The following NFAT5 variants were observed in gnomAD, a reference collection of about 807,000 sequenced individuals.
NFAT5 encodes nuclear factor of activated T-cells 5.
A neutral mutation model predicts 166.5 loss-of-function variants in NFAT5; 31 were observed. That is an observed-to-expected ratio of 0.19 (90% confidence interval 0.14 to 0.25). The LOEUF is 0.25. NFAT5 is among the 10% of genes least tolerant of loss of function. The pLI is 1.00. For missense variants in NFAT5, 1,449 were observed against 1,821.8 expected, an observed-to-expected ratio of 0.80 and a Z score of 3.72; for synonymous variants, 612 against 639.7, an observed-to-expected ratio of 0.96 and a Z score of 0.65.
chr16:69,677,340 G>A lies in NFAT5; in HGVS notation c.1690+5G>A. On this transcript the variant is annotated splice_donor_5th_base_variant and intron_variant, in intron 10 of 14. Coordinates refer to ENST00000349945, the MANE Select transcript of NFAT5 (RefSeq NM_138713.4). ...TCACTTACACTCCAGACCCAGGTAT[G>A]TCAAAATGAAAAATTCAGAACTAAA... 2 of 1,554,792 alleles carry A rather than the reference G, an allele frequency of 1.3e-6. No homozygotes were observed. Among genetic ancestry groups the A allele is most frequent in the Non-Finnish European group, 8.7e-7 (1 of 1,155,270 alleles).
chr16:69,580,575 T>TA (rs2031610602), intron 2 of NFAT5, among the ~76,000 whole-genome samples: 1 of 152,194 alleles, frequency 6.6e-6, no homozygotes, highest in Non-Finnish European at 1.5e-5. Flanking sequence ...GCGCAGGGTT[T>TA]ATCTTCCTAA....
intron 7 of NFAT5, among the ~76,000 whole-genome samples, chr16:69,667,938 A>G (rs921652591): frequency 6.6e-6 from 1 of 152,048 alleles, no homozygotes; most frequent in Non-Finnish European, 1.5e-5. Flanking sequence ...TAGGTTCTAG[A>G]CAATACTTAT....
At chr16:69,623,168 T>C (rs1163702138) in intron 2 of NFAT5, among the ~76,000 whole-genome samples, 1 of 151,936 alleles carries the variant, frequency 6.6e-6, no homozygotes, top group African/African-American at 2.4e-5. Context: ...TGGACTTGAG[T>C]GTGTTTCTCT....
intron 2 of NFAT5, among the ~76,000 whole-genome samples, chr16:69,615,111 G>A (rs543902600): frequency 1.2e-4 from 18 of 150,820 alleles, no homozygotes; most frequent in East Asian, 5.9e-4. Context: ...GCGCGACCTC[G>A]GCTCACTGCA....
chr16:69,590,505 A>G (rs1366265829), intron 2 of NFAT5, among the ~76,000 whole-genome samples: 5 of 152,240 alleles, frequency 3.3e-5, no homozygotes, highest in Non-Finnish European at 5.9e-5. Flanking sequence ...TTTCAGTTTG[A>G]AAATACTGGA....
At position 69,647,947 on chromosome 16, in the gene NFAT5, G is replaced by A. The variant is rs761229060; in HGVS notation, c.812+361G>A. Among the ~76,000 whole-genome samples the A allele has an allele frequency of 1.3e-5, 2 of 152,012 alleles. No individual in the cohort carries two copies. Among genetic ancestry groups the A allele is most frequent in the Non-Finnish European group, 2.9e-5 (2 of 67,964 alleles). ...AGCACTTTGGGAGGCCGAGGCGGGC[G>A]GATCACCTGAGGTCAGGAGTTCGAG... On this transcript the variant is annotated intron_variant, in intron 4 of 14. Coordinates refer to ENST00000349945, the MANE Select transcript of NFAT5 (RefSeq NM_138713.4). The surrounding 1 kb of genome is among the most constrained non-coding windows in gnomAD (Gnocchi z 4.8).
At chr16:69,622,557 C>T (rs1022271689) in intron 2 of NFAT5, among the ~76,000 whole-genome samples, 1 of 152,160 alleles carries the variant, frequency 6.6e-6, no homozygotes, top group African/African-American at 2.4e-5. Flanking sequence ...AGTAACATTA[C>T]TATCATACCT....
At chr16:69,585,122 C>G (rs1049693278) in intron 2 of NFAT5, among the ~76,000 whole-genome samples, 2 of 151,938 alleles carry the variant, frequency 1.3e-5, no homozygotes, top group Non-Finnish European at 2.9e-5. Context: ...CTCAGCCTCC[C>G]TAGTAGCTGG....
chr16:69,635,459 A>C (rs1473957081), intron 3 of NFAT5, among the ~76,000 whole-genome samples: 1 of 152,074 alleles, frequency 6.6e-6, no homozygotes, highest in Non-Finnish European at 1.5e-5. Context: ...TATGTGGGCC[A>C]TGGGATATAC....
At chr16:69,603,456 G>A (rs188265175) in intron 2 of NFAT5, among the ~76,000 whole-genome samples, 1 of 152,000 alleles carries the variant, frequency 6.6e-6, no homozygotes, top group African/African-American at 2.4e-5. Context: ...TGCATTGTTG[G>A]AGTTAAAATA....
intron 1 of NFAT5, among the ~76,000 whole-genome samples, chr16:69,568,117 A>T (rs964719541): frequency 6.6e-6 from 1 of 152,132 alleles, no homozygotes; most frequent in African/African-American, 2.4e-5. Flanking sequence ...GTTTGAGACC[A>T]GCCTGACCAA....
Position 69,635,709 on chromosome 16 carries a change from C to T in NFAT5, c.253+9181C>T, listed in dbSNP as rs1399175070. Among the ~76,000 whole-genome samples the T allele has an allele frequency of 5.3e-5, 8 of 152,140 alleles. No homozygotes were observed. The East Asian group carries it at 1.5e-3, about 29-fold the overall frequency. ...CAAAAGCAGAAACCCCTGATAAACC[C>T]ATCAGATCTCCTGAGACATATTAAC... On this transcript the variant is annotated intron_variant, in intron 3 of 14. Transcript: ENST00000349945.
intron 10 of NFAT5, among the ~76,000 whole-genome samples, chr16:69,683,299 A>AG (rs1256771885): frequency 2.6e-5 from 4 of 152,190 alleles, no homozygotes; most frequent in Non-Finnish European, 4.4e-5. Context: ...AGGGTGTCTG[A>AG]GGTGGGCAGA....
At chr16:69,636,057 AG>A (rs1323905714) in intron 3 of NFAT5, among the ~76,000 whole-genome samples, 1 of 152,230 alleles carries the variant, frequency 6.6e-6, no homozygotes, top group Non-Finnish European at 1.5e-5. Context: ...ATGAGAGTAC[AG>A]GTATTGGGTA....
At position 69,566,899 on chromosome 16, in the gene NFAT5, C is replaced by T. The variant is rs952250995; in HGVS notation, c.73+525C>T. On this transcript the variant is annotated intron_variant, in intron 1 of 14. Transcript: ENST00000349945. This position sits in a 1 kb window ranked among gnomAD's most constrained non-coding sequence, Gnocchi z 5.7. ...TGTTTTTGCGCCGTCGTTCCACCCCCTCTCCCTCCGGCCTAGTCCACTCCC... is the reference window on the plus strand; with the variant it reads ...TGTTTTTGCGCCGTCGTTCCACCCCTTCTCCCTCCGGCCTAGTCCACTCCC... Among the ~76,000 whole-genome samples, 1 of 152,182 alleles carries T rather than the reference C, an allele frequency of 6.6e-6. No individual in the cohort carries two copies. Among genetic ancestry groups the T allele is most frequent in the African/African-American group, 2.4e-5 (1 of 41,456 alleles).
At chr16:69,620,849 T>C (rs1048804177) in intron 2 of NFAT5, among the ~76,000 whole-genome samples, 1 of 152,242 alleles carries the variant, frequency 6.6e-6, no homozygotes, top group Non-Finnish European at 1.5e-5. Context: ...AATTATGACA[T>C]AAGATTTAAT....
intron 3 of NFAT5, among the ~76,000 whole-genome samples, chr16:69,644,450 GCTAA>G (rs958189474): frequency 2.0e-4 from 30 of 152,120 alleles, no homozygotes; most frequent in Non-Finnish European, 1.2e-4. Flanking sequence ...ATAGTTTTGT[GCTAA>G]CTTTTTCTTT....
At chr16:69,626,646 G>A (rs771080227) in intron 3 of NFAT5, 118 bp downstream of exon 3, 49 of 828,272 alleles carry the variant, frequency 5.9e-5, no homozygotes, top group Non-Finnish European at 7.7e-5. Context: ...TTTAAAAAGA[G>A]GCATTAAAAT....
At chr16:69,595,199 G>A (rs559149581) in intron 2 of NFAT5, among the ~76,000 whole-genome samples, 1 of 152,202 alleles carries the variant, frequency 6.6e-6, no homozygotes, top group South Asian at 2.1e-4. Context: ...GAACAATACA[G>A]CAACATACTA....
Sources: allele counts gnomAD v4.1 joint callset (sites outside exome capture counted in the v4.1 genomes callset), GRCh38; gene constraint gnomAD v4.1.1; non-coding constraint Gnocchi (gnomAD v3.1); transcripts MANE v1.5; gene names NCBI Gene and HGNC (gene_info 2026-07-23, HGNC 2026-07-21).